Variants in ZFC3H1 observed in about 807,000 individuals in gnomAD.
ZFC3H1 encodes the protein zinc finger C3H1-type containing, also known as zinc finger C3H1 domain-containing protein.
ZFC3H1 carries 71 observed loss-of-function variants against 243.7 expected under a neutral mutation model. That is an observed-to-expected ratio of 0.29 (90% confidence interval 0.24 to 0.36). ZFC3H1 has a LOEUF of 0.36. Ranked by LOEUF, ZFC3H1 falls within the 10% of genes least tolerant of loss-of-function variation. ZFC3H1 has a pLI of 1.00. For missense variants in ZFC3H1, 1,966 were observed against 2,317.1 expected, an observed-to-expected ratio of 0.85 and a Z score of 3.11; for synonymous variants, 838 against 813.0, an observed-to-expected ratio of 1.03 and a Z score of -0.52.
At position 71,657,062 on chromosome 12, in the gene ZFC3H1, C is replaced by A. The variant is rs182906685; in HGVS notation, c.838G>T (p.Asp280Tyr). The A allele has an allele frequency of 9.2e-5, 148 of 1,613,844 alleles. No individual in the cohort carries two copies. The African/African-American group carries it at 1.9e-3, about 21-fold the overall frequency. The change falls in exon 2 of 35, where the codon GAT becomes TAT. Residue 280 changes from aspartate to tyrosine, a missense_variant. Around this residue, in one of 4 missense-constraint regions of ZFC3H1, gnomAD observed 484 missense variants for 449.7 expected, o/e 1.08. Transcript: ENST00000378743. ...TSTDNVSITK[D>Y]SSKEVAPEEK... ...TCAGGAGCTACTTCTTTACTTGAAT[C>A]CTTTGTAATACTGACATTATCAGTG...
chr12:71,633,993 T>C (rs942672798), intron 12 of ZFC3H1, among the ~76,000 whole-genome samples, 162 bp downstream of exon 12: 3 of 152,256 alleles, frequency 2.0e-5, no homozygotes, highest in East Asian at 3.8e-4. Flanking sequence ...CATTACTTTA[T>C]GTAAATGTAG....
At chr12:71,656,689 C>T in intron 2 of ZFC3H1, 196 bp downstream of exon 2, 2 of 618,516 alleles carry the variant, frequency 3.2e-6, no homozygotes, top group Non-Finnish European at 5.3e-6. Context: ...GAATGTCAGG[C>T]AAAAAATAAA....
intron 8 of ZFC3H1, 34 bp from the exon 9 acceptor site, chr12:71,636,688 T>C: frequency 1.3e-6 from 2 of 1,572,546 alleles, no homozygotes; most frequent in South Asian, 1.2e-5. Flanking sequence ...TAAACATTCC[T>C]AAATAAAAAT....
intron 30 of ZFC3H1, among the ~76,000 whole-genome samples, chr12:71,614,138 A>G (rs1013141864): frequency 7.2e-5 from 11 of 152,218 alleles, no homozygotes; most frequent in Middle Eastern, 6.4e-3. Flanking sequence ...GCTACAATGT[A>G]TAAGTCCATT....
At chr12:71,636,378 G>T in intron 9 of ZFC3H1, 112 bp downstream of exon 9, 2 of 818,310 alleles carry the variant, frequency 2.4e-6, no homozygotes, top group African/African-American at 1.8e-5. Context: ...ATTTATATGT[G>T]AATATATGTG....
intron 24 of ZFC3H1, among the ~76,000 whole-genome samples, chr12:71,622,046 T>A (rs1880043544): frequency 6.6e-6 from 1 of 152,212 alleles, no homozygotes; most frequent in Admixed American, 6.5e-5. Context: ...TCAAGCTTAA[T>A]CACTACTATT....
chr12:71,633,650 T>TA lies in ZFC3H1; in HGVS notation c.2511-213dup, dbSNP rs879595075. 7.1e-3 allele frequency among the ~76,000 whole-genome samples: 1,070 copies of TA among 149,748 alleles called. 12 individuals are homozygous for TA. Among genetic ancestry groups the TA allele is most frequent in the African/African-American group, 0.024 (996 of 40,992 alleles). On this transcript the variant is annotated intron_variant, in intron 12 of 34. Transcript: ENST00000378743. ...AATAGTAACTATGAGACTGATCTTTTAAAAAAAAAAATTTAAGCCTGAGGT... is the reference window on the plus strand; with the variant it reads ...AATAGTAACTATGAGACTGATCTTTTAAAAAAAAAAAATTTAAGCCTGAGGT...
Position 71,623,382 on chromosome 12 carries a change from G to A in ZFC3H1, c.4722C>T (p.Asp1574=), listed in dbSNP as rs1220324442. The A allele has an allele frequency of 1.2e-6, 2 of 1,611,282 alleles. No homozygotes were observed. The highest frequency in any genetic ancestry group is 4.5e-5 in the East Asian group (2 of 44,734). The change falls in exon 24 of 35, where the codon GAC becomes GAT. Residue 1574 remains aspartate (D), a synonymous_variant. Transcript: ENST00000378743. ...TACCTTCAAAAACTGCTAACAACAT[G>A]TCAGGATTAGTCTTTACATCTTGAA... ...QAVQDVKTNP[D]MLLAVFEDAV... is the part of the protein sequence containing the mutation.
At position 71,630,654 on chromosome 12, in the gene ZFC3H1, A is replaced by G. The variant is rs2137533498; in HGVS notation, c.3670T>C (p.Ser1224Pro). ...LFQDILSYNLSLIGCAETSTN... is the reference protein window; with the variant it reads ...LFQDILSYNLPLIGCAETSTN... ...CTTGTCTCTGCACAACCAATCAAAG[A>G]CAGATTATATGACAGAATGTCCTGG... is the stretch of plus-strand genomic sequence containing the variant. Residue 1224 changes from serine (S) to proline (P), a missense_variant, in exon 18 of 35, where the codon TCT becomes CCT. By Grantham distance (74) the Ser-to-Pro change is moderately conservative (BLOSUM62 -1). This residue lies in a region of ZFC3H1 where 1,383 missense variants were observed against 1,723.7 expected (regional missense o/e 0.80). Transcript: ENST00000378743. The G allele has an allele frequency of 3.7e-6, 6 of 1,613,716 alleles. No individual in the cohort carries two copies. Among genetic ancestry groups the G allele is most frequent in the East Asian group, 2.2e-5 (1 of 44,806 alleles).
At chr12:71,616,056 G>A (rs1354991866) in intron 27 of ZFC3H1, among the ~76,000 whole-genome samples, 6 of 152,276 alleles carry the variant, frequency 3.9e-5, no homozygotes, top group South Asian at 2.1e-4. Context: ...TTGGGAGGCT[G>A]AGGCGGGTGG....
At chr12:71,660,977 A>G (rs1305592860) in intron 1 of ZFC3H1, among the ~76,000 whole-genome samples, 2 of 151,602 alleles carry the variant, frequency 1.3e-5, no homozygotes, top group African/African-American at 2.4e-5. Context: ...AATAAATTTA[A>G]TAAAAATTTT....
In ZFC3H1 at chr12:71,611,758, A is replaced by G. The variant is rs372477330; in HGVS notation, c.5729+28T>C. The G allele has an allele frequency of 1.0e-3, 1,586 of 1,525,090 alleles. 3 individuals carry two copies. The highest frequency in any genetic ancestry group is 1.3e-3 in the Non-Finnish European group (1,492 of 1,109,600). The allele number at this position is 1,525,090 out of a possible 1,614,324, so 94.5% of individuals were successfully genotyped here. On this transcript the variant is annotated intron_variant, in intron 32 of 34. Transcript: ENST00000378743. ...CCTTATAAATAAAAGCAATAGCTAT[A>G]AAAACATGTACATGATTGTTGCATT...
intron 28 of ZFC3H1, 51 bp from the exon 29 acceptor site, chr12:71,614,989 T>G: frequency 6.9e-7 from 1 of 1,446,560 alleles, no homozygotes. Context: ...TTCCATCAGG[T>G]GAAGGAATGA....
intron 27 of ZFC3H1, 50 bp from the exon 28 acceptor site, chr12:71,615,366 G>A (rs1361708058): frequency 1.7e-6 from 2 of 1,144,560 alleles, no homozygotes; most frequent in African/African-American, 3.2e-5. Context: ...ACCCACACAG[G>A]AATTACACAC....
At position 71,642,517 on chromosome 12, in the gene ZFC3H1, T is replaced by C. The variant is rs200792044; in HGVS notation, c.1546A>G (p.Thr516Ala). 2,403 of 1,613,432 alleles carry C rather than the reference T, an allele frequency of 1.5e-3. 1 individual carries two copies. Among genetic ancestry groups the C allele is most frequent in the Non-Finnish European group, 1.9e-3 (2,254 of 1,179,742 alleles). ...TGATAAATGCCTCCTCCACTATCAG[T>C]AGGTTGCTTATCTAAGGATCGCCTC... ...DLRRSLDKQPTDSGGGIYQYD... is the reference protein window; with the variant it reads ...DLRRSLDKQPADSGGGIYQYD... Residue 516 changes from threonine to alanine, a missense_variant, in exon 6 of 35, where the codon ACT (threonine) becomes GCT (alanine). By Grantham distance (58) the Thr-to-Ala change is moderately conservative (BLOSUM62 0). Transcript: ENST00000378743.
At chr12:71,629,261 G>C (rs1880252901) in intron 19 of ZFC3H1, among the ~76,000 whole-genome samples, 1 of 151,632 alleles carries the variant, frequency 6.6e-6, no homozygotes, top group Admixed American at 6.6e-5. Context: ...CGCCTCTCGG[G>C]TTCAAGTGAT....
At chr12:71,636,370 TTA>T (rs1380199964) in intron 9 of ZFC3H1, 118 bp downstream of exon 9, 24 of 714,802 alleles carry the variant, frequency 3.4e-5, no homozygotes, top group Non-Finnish European at 4.9e-5. Flanking sequence ...AAATTTGTAT[TTA>T]TATGTGAATA....
intron 1 of ZFC3H1, 127 bp from the exon 2 acceptor site, chr12:71,657,428 AATT>A (rs1409742150): frequency 1.3e-6 from 1 of 770,518 alleles, no homozygotes; most frequent in Non-Finnish European, 2.0e-6. Context: ...GATATTTTTA[AATT>A]ACTAAATTCC....
At chr12:71,614,011 A>G (rs1879836191) in intron 30 of ZFC3H1, among the ~76,000 whole-genome samples, 1 of 152,226 alleles carries the variant, frequency 6.6e-6, no homozygotes, top group South Asian at 2.1e-4. Flanking sequence ...AGATAATCAC[A>G]AAACTATATC....
Sources: gnomAD v4.1 joint callset for allele counts (sites outside exome capture counted in the v4.1 genomes callset) on GRCh38, gnomAD v4.1.1 for gene constraint, gnomAD v4.1.1 regional missense constraint, MANE v1.5 for transcripts, NCBI Gene and HGNC (gene_info 2026-07-23, HGNC 2026-07-21) for gene names.